Variants in TICAM1 observed in about 807,000 individuals in gnomAD.
TICAM1 encodes TIR domain containing adaptor molecule 1, also known as TIR domain-containing adapter molecule 1.
For missense variants in TICAM1, 895 were observed against 938.2 expected, an observed-to-expected ratio of 0.95 and a Z score of 0.60; for synonymous variants, 439 against 415.4, an observed-to-expected ratio of 1.06 and a Z score of -0.69.
At position 4,818,455 on chromosome 19, in the gene TICAM1, G is replaced by A; in HGVS notation, c.-78C>T. 2 of 1,477,516 alleles carry A rather than the reference G, an allele frequency of 1.4e-6. 1 individual carries two copies. Among genetic ancestry groups the A allele is most frequent in the South Asian group, 2.8e-5 (2 of 70,384 alleles). 91.5% of individuals were successfully genotyped at this position (1,477,516 alleles called of 1,614,324 possible). On this transcript the variant is annotated 5_prime_UTR_variant, in exon 2 of 2. Transcript: ENST00000248244. This position sits in a 1 kb window ranked among gnomAD's most constrained non-coding sequence, Gnocchi z 4.0. ...TGTTCCACACTGCCCCCCGCCTTCT[G>A]CACGCCCAGTGTCCCCTACCCATTC...
chr19:4,816,800 G>T lies in TICAM1; in HGVS notation c.1578C>A (p.Asn526Lys). The change falls in exon 2 of 2, where the codon AAC becomes AAA. Residue 526 changes from asparagine (N) to lysine (K), a missense_variant. By Grantham distance (94) the Asn-to-Lys change is moderately conservative. Transcript: ENST00000248244. This position sits in a 1 kb window ranked among gnomAD's most constrained non-coding sequence, Gnocchi z 4.3. Reference sequence around the variant, plus strand: ...CCTGAAGCCTGTGGGGCTTGAAGGTGTTGGCCACCTTCCTGGCGAAGATCT... The same window carrying T: ...CCTGAAGCCTGTGGGGCTTGAAGGTTTTGGCCACCTTCCTGGCGAAGATCT... ...HSQIFARKVA[N>K]TFKPHRLQAR... 6.2e-7 allele frequency: 1 copy of T among 1,613,252 alleles called. No individual in the cohort carries two copies. Among genetic ancestry groups the T allele is most frequent in the Non-Finnish European group, 8.5e-7 (1 of 1,180,030 alleles).
rs1439343592 is a variant in TICAM1, at chr19:4,817,943, C to A, written c.435G>T (p.Gly145=). 7.4e-6 allele frequency: 12 copies of A among 1,613,780 alleles called. No individual in the cohort carries two copies. The highest frequency in any genetic ancestry group is 9.3e-6 in the Non-Finnish European group (11 of 1,180,016). Residue 145 remains glycine, a synonymous_variant, in exon 2 of 2, where the codon GGG becomes GGT. Coordinates refer to ENST00000248244, the MANE Select transcript of TICAM1 (RefSeq NM_182919.4). The surrounding 1 kb of genome is among the most constrained non-coding windows in gnomAD (Gnocchi z 4.7). ...TCCCTGGATCCCCAGCAATGTCCCA[C>A]CCACACCGGTTTCGGGCCTCATCCT... is the stretch of plus-strand genomic sequence containing the variant. ...ELQDEARNRC[G]WDIAGDPGSI...
At position 4,816,399 on chromosome 19, in the gene TICAM1, G is replaced by T. The variant is rs772147268; in HGVS notation, c.1979C>A (p.Ser660Tyr). The part of the protein sequence containing the change: ...AFPQSLPFPQ[S>Y]PAFPTASPAP... ...GGGTGAGGCCGTAGGGAAGGCTGGG[G>T]ACTGCGGGAAGGGCAGTGACTGTGG... The change falls in exon 2 of 2, where the codon TCC (serine) becomes TAC (tyrosine). Residue 660 changes from serine (S) to tyrosine (Y), a missense_variant. Coordinates refer to ENST00000248244, the MANE Select transcript of TICAM1 (RefSeq NM_182919.4). The surrounding 1 kb of genome is among the most constrained non-coding windows in gnomAD (Gnocchi z 4.3). The T allele has an allele frequency of 6.3e-7, 1 of 1,575,836 alleles. No homozygotes were observed. Among genetic ancestry groups the T allele is most frequent in the Non-Finnish European group, 8.6e-7 (1 of 1,163,388 alleles).
rs199519963 is a variant in TICAM1, at chr19:4,816,260, G to A, written c.2118C>T (p.Asp706=). The A allele has an allele frequency of 1.8e-5, 27 of 1,512,972 alleles. No homozygotes were observed. Among genetic ancestry groups the A allele is most frequent in the Non-Finnish European group, 2.2e-5 (25 of 1,132,134 alleles). 93.7% of individuals were successfully genotyped at this position (1,512,972 alleles called of 1,614,324 possible). Reference sequence around the variant, plus strand: ...GCGGTCATTCTGCCTCCTGCGTCTTGTCCTCGGGCGCCTGGGACCCTCTCT... The same window carrying A: ...GCGGTCATTCTGCCTCCTGCGTCTTATCCTCGGGCGCCTGGGACCCTCTCT... ...WNQRGSQAPE[D]KTQEAE is the part of the protein sequence containing the mutation. Residue 706 remains aspartate, a synonymous_variant, in exon 2 of 2, where the codon GAC becomes GAT. Coordinates refer to ENST00000248244, the MANE Select transcript of TICAM1 (RefSeq NM_182919.4). The surrounding 1 kb of genome is among the most constrained non-coding windows in gnomAD (Gnocchi z 4.3).
At chr19:4,828,668 G>A (rs1053802658) in intron 1 of TICAM1, among the ~76,000 whole-genome samples, 1 of 151,366 alleles carries the variant, frequency 6.6e-6, no homozygotes, top group African/African-American at 2.4e-5. Context: ...TGAGTAGCTG[G>A]GATTACAGGA....
At position 4,816,144 on chromosome 19, in the gene TICAM1, C is replaced by A; in HGVS notation, c.*95G>T. The stretch of plus-strand genomic sequence containing the variant: ...GGCAGATGACCTCATCTTCCACTGT[C>A]CACAGGGCACAGGGCAGACCGGGGT... On this transcript the variant is annotated 3_prime_UTR_variant, in exon 2 of 2. Coordinates refer to ENST00000248244, the MANE Select transcript of TICAM1 (RefSeq NM_182919.4). The surrounding 1 kb of genome is among the most constrained non-coding windows in gnomAD (Gnocchi z 4.3). The A allele has an allele frequency of 7.2e-7, 1 of 1,391,968 alleles. No individual in the cohort carries two copies. The highest frequency in any genetic ancestry group is 9.3e-7 in the Non-Finnish European group (1 of 1,077,020). The allele number at this position is 1,391,968 out of a possible 1,614,324, so 86.2% of individuals were successfully genotyped here. A position where few individuals can be genotyped will look rare whatever the true frequency, so the allele number is the denominator to read the frequency against.
In TICAM1 at chr19:4,817,462, C is replaced by T. The variant is rs766504909; in HGVS notation, c.916G>A (p.Glu306Lys). 3.7e-6 allele frequency: 6 copies of T among 1,614,052 alleles called. No homozygotes were observed. Among genetic ancestry groups the T allele is most frequent in the Admixed American group, 3.3e-5 (2 of 59,976 alleles). Residue 306 changes from glutamate to lysine, a missense_variant, in exon 2 of 2, where the codon GAG (glutamate) becomes AAG (lysine). By Grantham distance (56) the Glu-to-Lys change is moderately conservative (BLOSUM62 1). Transcript: ENST00000248244. This position sits in a 1 kb window ranked among gnomAD's most constrained non-coding sequence, Gnocchi z 4.7. Reference protein sequence around the residue: ...TSTNYPVECTEGSAGPQSLPL... With the variant: ...TSTNYPVECTKGSAGPQSLPL... ...AGAGACTGGGGGCCTGCAGACCCCTCGGTGCACTCCACTGGGTAGTTGGTG... is the reference window on the plus strand; with the variant it reads ...AGAGACTGGGGGCCTGCAGACCCCTTGGTGCACTCCACTGGGTAGTTGGTG...
Position 4,817,982 on chromosome 19 carries a change from C to T in TICAM1, c.396G>A (p.Arg132=). 1 of 1,613,052 alleles carries T rather than the reference C, an allele frequency of 6.2e-7. No individual in the cohort carries two copies. Among genetic ancestry groups the T allele is most frequent in the Non-Finnish European group, 8.5e-7 (1 of 1,179,862 alleles). ...VRTLSSRDDH[R]LGELQDEARN... ...GGGCCTCATCCTGAAGTTCCCCCAG[C>T]CGGTGGTCGTCCCTGGAGCTGAGGG... The change falls in exon 2 of 2, where the codon CGG becomes CGA. Residue 132 remains arginine (R), a synonymous_variant. Coordinates refer to ENST00000248244, the MANE Select transcript of TICAM1 (RefSeq NM_182919.4). This position sits in a 1 kb window ranked among gnomAD's most constrained non-coding sequence, Gnocchi z 4.7.
intron 1 of TICAM1, among the ~76,000 whole-genome samples, chr19:4,829,032 A>G (rs1005401497): frequency 1.3e-5 from 2 of 151,966 alleles, no homozygotes; most frequent in African/African-American, 4.8e-5. Context: ...ACAGGGTTTC[A>G]GGCTGTTGGC....
Position 4,817,505 on chromosome 19 carries a change from G to C in TICAM1, c.873C>G (p.Pro291=), listed in dbSNP as rs142635281. The C allele has an allele frequency of 1.9e-6, 3 of 1,613,884 alleles. No individual in the cohort carries two copies. The highest frequency in any genetic ancestry group is 2.5e-6 in the Non-Finnish European group (3 of 1,179,918). The change falls in exon 2 of 2, where the codon CCC becomes CCG. Residue 291 remains proline, a synonymous_variant. Transcript: ENST00000248244. The surrounding 1 kb of genome is among the most constrained non-coding windows in gnomAD (Gnocchi z 4.7). ...AGTTGGTGCTGGTTTCTGGAGCTGC[G>C]GGGGTATCAGGGAGGCCAGTGGAGG... ...DATSTGLPDT[P]AAPETSTNYP... is the part of the protein sequence containing the mutation.
Position 4,817,706 on chromosome 19 carries a change from T to C in TICAM1, c.672A>G (p.Pro224=). ...CGTCACAGAGCTTGCTGGGCCCATG[T>C]GGGCTGCGGTGCAGGCTGAGGAAGG... ...TMPFLSLHRS[P]HGPSKLCDDP... The change falls in exon 2 of 2, where the codon CCA becomes CCG. Residue 224 remains proline (P), a synonymous_variant. Transcript: ENST00000248244. This position sits in a 1 kb window ranked among gnomAD's most constrained non-coding sequence, Gnocchi z 4.7. 1 of 1,594,382 alleles carries C rather than the reference T, an allele frequency of 6.3e-7. No homozygotes were observed. The highest frequency in any genetic ancestry group is 8.5e-7 in the Non-Finnish European group (1 of 1,171,886).
At chr19:4,830,949 T>G (rs2093612784) in intron 1 of TICAM1, among the ~76,000 whole-genome samples, 1 of 152,122 alleles carries the variant, frequency 6.6e-6, no homozygotes, top group Non-Finnish European at 1.5e-5. Flanking sequence ...AGGAAGCCCA[T>G]GTGGCTGGAT....
chr19:4,818,568 G>T lies in TICAM1; in HGVS notation c.-139-52C>A, dbSNP rs965048097. On this transcript the variant is annotated intron_variant, in intron 1 of 1. Coordinates refer to ENST00000248244, the MANE Select transcript of TICAM1 (RefSeq NM_182919.4). This position sits in a 1 kb window ranked among gnomAD's most constrained non-coding sequence, Gnocchi z 4.0. Reference sequence around the variant, plus strand: ...ACTTACCCCCAAGAAAGGTCAGCACGGGAAGGCGGCCCACACACCCCCGCC... The same window carrying T: ...ACTTACCCCCAAGAAAGGTCAGCACTGGAAGGCGGCCCACACACCCCCGCC... The T allele has an allele frequency of 1.6e-6, 2 of 1,269,906 alleles. No homozygotes were observed. Among genetic ancestry groups the T allele is most frequent in the Non-Finnish European group, 2.1e-6 (2 of 965,586 alleles). 78.7% of individuals were successfully genotyped at this position (1,269,906 alleles called of 1,614,324 possible). A position where few individuals can be genotyped will look rare whatever the true frequency, so the allele number is the denominator to read the frequency against.
intron 1 of TICAM1, among the ~76,000 whole-genome samples, chr19:4,830,719 C>T (rs1052315740): frequency 6.6e-6 from 1 of 152,128 alleles, no homozygotes; most frequent in Non-Finnish European, 1.5e-5. Flanking sequence ...AGCCATGAGC[C>T]GGGGGCTGTG....
Position 4,817,937 on chromosome 19 carries a change from G to A in TICAM1, c.441C>T (p.Asp147=), listed in dbSNP as rs763958594. 6.2e-7 allele frequency: 1 copy of A among 1,613,928 alleles called. No individual in the cohort carries two copies. Among genetic ancestry groups the A allele is most frequent in the South Asian group, 1.1e-5 (1 of 91,084 alleles). ...QDEARNRCGW[D]IAGDPGSIRT... is the part of the protein sequence containing the mutation. ...GGATGCTCCCTGGATCCCCAGCAAT[G>A]TCCCACCCACACCGGTTTCGGGCCT... The change falls in exon 2 of 2, where the codon GAC becomes GAT. Residue 147 remains aspartate, a synonymous_variant. Coordinates refer to ENST00000248244, the MANE Select transcript of TICAM1 (RefSeq NM_182919.4). The surrounding 1 kb of genome is among the most constrained non-coding windows in gnomAD (Gnocchi z 4.7).
chr19:4,826,940 G>C (rs1020214376), intron 1 of TICAM1, among the ~76,000 whole-genome samples: 6 of 152,090 alleles, frequency 3.9e-5, no homozygotes, highest in Non-Finnish European at 8.8e-5. Context: ...CAGGAAATAA[G>C]CATATGGCCT....
At chr19:4,827,652 G>C (rs935166062) in intron 1 of TICAM1, among the ~76,000 whole-genome samples, 7 of 151,128 alleles carry the variant, frequency 4.6e-5, no homozygotes, top group African/African-American at 1.7e-4. Flanking sequence ...CAGCTACTCG[G>C]AAGGCTGAGG....
At chr19:4,819,870 C>T (rs1330795729) in intron 1 of TICAM1, among the ~76,000 whole-genome samples, 1 of 142,372 alleles carries the variant, frequency 7.0e-6, no homozygotes, top group Non-Finnish European at 1.5e-5. Flanking sequence ...AGCGAAACCC[C>T]GTCTCAATAA....
Position 4,818,105 on chromosome 19 carries a change from A to G in TICAM1, c.273T>C (p.Asp91=). The change falls in exon 2 of 2, where the codon GAT becomes GAC. Residue 91 remains aspartate (D), a synonymous_variant. Coordinates refer to ENST00000248244, the MANE Select transcript of TICAM1 (RefSeq NM_182919.4). This position sits in a 1 kb window ranked among gnomAD's most constrained non-coding sequence, Gnocchi z 4.0. ...DSTEDPEEPP[D]VSWAVARLYH... ...ACAAGCGGGCCACAGCCCAGGACACATCTGGGGGCTCCTCTGGGTCCTCGG... is the reference window on the plus strand; with the variant it reads ...ACAAGCGGGCCACAGCCCAGGACACGTCTGGGGGCTCCTCTGGGTCCTCGG... 6.2e-7 allele frequency: 1 copy of G among 1,608,108 alleles called. No individual in the cohort carries two copies. The highest frequency in any genetic ancestry group is 8.5e-7 in the Non-Finnish European group (1 of 1,179,778).
Sources: allele counts gnomAD v4.1 joint callset (sites outside exome capture counted in the v4.1 genomes callset), GRCh38; gene constraint gnomAD v4.1.1; non-coding constraint Gnocchi (gnomAD v3.1); transcripts MANE v1.5; gene names NCBI Gene and HGNC (gene_info 2026-07-23, HGNC 2026-07-21).